Variants in CCDC158 observed in about 807,000 individuals in gnomAD.
The protein encoded by CCDC158 is coiled-coil domain-containing protein 158.
A neutral mutation model predicts 138.6 loss-of-function variants in CCDC158; 116 were observed. The observed-to-expected ratio is 0.84, with a 90% confidence interval of 0.72 to 0.98. The LOEUF (loss-of-function observed/expected upper bound fraction) is 0.98, where lower values mean the gene tolerates loss of function less well. Among genes scored for constraint, CCDC158 ranks in the 50% least tolerant of loss-of-function variants. CCDC158 has a pLI of 0.00. For missense variants in CCDC158, 1,265 were observed against 1,306.1 expected (o/e 0.97, Z 0.48); for synonymous variants, 436 against 442.4 (o/e 0.99, Z 0.18).
chr4:76,313,277 C>CA, intron 24 of CCDC158, 31 bp from the exon 25 acceptor site: 1 of 1,375,372 alleles, frequency 7.3e-7, no homozygotes, highest in Non-Finnish European at 1.0e-6. Flanking sequence ...GTTAGAATAA[C>CA]AAAATCTACT....
intron 24 of CCDC158, among the ~76,000 whole-genome samples, chr4:76,316,093 A>G (rs1719360904): frequency 6.6e-6 from 1 of 152,222 alleles, no homozygotes; most frequent in South Asian, 2.1e-4. Flanking sequence ...GCTTGCCAGC[A>G]ATGCAGTTAA....
At chr4:76,321,658 T>C (rs1180972920) in intron 24 of CCDC158, among the ~76,000 whole-genome samples, 2 of 146,700 alleles carry the variant, frequency 1.4e-5, no homozygotes, top group Non-Finnish European at 3.0e-5. Context: ...CCCATATATA[T>C]ACCATGTATA....
At chr4:76,358,762 C>T (rs2110202074) in intron 13 of CCDC158, among the ~76,000 whole-genome samples, 1 of 152,296 alleles carries the variant, frequency 6.6e-6, no homozygotes, top group African/African-American at 2.4e-5. Flanking sequence ...CTGTGCCTCA[C>T]ACACTGGTTA....
chr4:76,371,603 C>T lies in CCDC158; in HGVS notation c.1030-67G>A, dbSNP rs1175003270. 1.9e-6 allele frequency: 3 copies of T among 1,549,250 alleles called. No individual in the cohort carries two copies. In the African/African-American group the frequency reaches 4.1e-5, roughly 21 times the overall value. On this transcript the variant is annotated intron_variant, in intron 9 of 24. Transcript: ENST00000682701. ...GTGGGTAATATAAAATAAATATAGA[C>T]TTTGGAAAACAAATGGTATTATTTT...
chr4:76,357,373 C>G lies in CCDC158; in HGVS notation c.2173+1G>C, dbSNP rs554427211. 6.6e-7 allele frequency: 1 copy of G among 1,526,306 alleles called. No individual in the cohort carries two copies. The highest frequency in any genetic ancestry group is 8.8e-7 in the Non-Finnish European group (1 of 1,141,510). 94.5% of individuals were successfully genotyped at this position (1,526,306 alleles called of 1,614,324 possible). On this transcript the variant is annotated splice_donor_variant, in intron 14 of 24. Coordinates refer to ENST00000682701, the MANE Select transcript of CCDC158 (RefSeq NM_001394954.1). LOFTEE classifies it high-confidence loss of function. ...AAAATTTTAAATCTAACAGAGCATA[C>G]CATGACCATCAGATCCTTCCATTGA...
intron 18 of CCDC158, chr4:76,344,781 A>G: frequency 6.2e-7 from 1 of 1,609,622 alleles, no homozygotes; most frequent in South Asian, 1.1e-5. Flanking sequence ...ACCTGCTGCT[A>G]TGAAGCCCGA....
At chr4:76,336,752 CTCAAGCTAAA>C (rs973162706) in intron 18 of CCDC158, among the ~76,000 whole-genome samples, 11 of 152,272 alleles carry the variant, frequency 7.2e-5, no homozygotes, top group African/African-American at 2.6e-4. Context: ...TGACACACAC[CTCAAGCTAAA>C]TGTTCTCAGG....
intron 24 of CCDC158, among the ~76,000 whole-genome samples, chr4:76,321,333 CAACAACTATGG>C (rs1429397737): frequency 1.3e-5 from 2 of 151,588 alleles, no homozygotes; most frequent in Non-Finnish European, 3.0e-5. Context: ...TAAACTAGTA[CAACAACTATGG>C]AAAGCAGTAC....
chr4:76,420,988 G>C lies in CCDC158; in HGVS notation c.-140C>G, dbSNP rs972865504. On this transcript the variant is annotated 5_prime_UTR_variant, in exon 1 of 25. Coordinates refer to ENST00000682701, the MANE Select transcript of CCDC158 (RefSeq NM_001394954.1). ...ACCTGCAACCAACACCTAATCCTAA[G>C]ACACCGGCCACATCTCCGCGGGGCG... 6.6e-6 allele frequency among the ~76,000 whole-genome samples: 1 copy of C among 152,056 alleles called. No homozygotes were observed. The highest frequency in any genetic ancestry group is 1.5e-5 in the Non-Finnish European group (1 of 68,000).
At chr4:76,326,502 A>G (rs547312899) in intron 22 of CCDC158, among the ~76,000 whole-genome samples, 6 of 152,212 alleles carry the variant, frequency 3.9e-5, no homozygotes, top group Non-Finnish European at 7.3e-5. Context: ...TCAGGCATAG[A>G]CTTCCATAGA....
chr4:76,418,511 A>T (rs943496909), intron 1 of CCDC158, among the ~76,000 whole-genome samples: 2 of 152,148 alleles, frequency 1.3e-5, no homozygotes, highest in Non-Finnish European at 2.9e-5. Context: ...CATTCCCAAG[A>T]CTGGGTAATT....
At chr4:76,364,190 A>G (rs984216582) in intron 12 of CCDC158, among the ~76,000 whole-genome samples, 2 of 152,302 alleles carry the variant, frequency 1.3e-5, no homozygotes, top group Admixed American at 6.5e-5. Context: ...TTGAACTCAC[A>G]AAGTCACCAT....
intron 3 of CCDC158, among the ~76,000 whole-genome samples, chr4:76,397,141 T>C (rs1025221368): frequency 6.6e-6 from 1 of 152,058 alleles, no homozygotes; most frequent in African/African-American, 2.4e-5. Context: ...TTAATTTCCC[T>C]CCTCTTTGTA....
At chr4:76,389,493 A>C (rs529103078) in intron 4 of CCDC158, among the ~76,000 whole-genome samples, 1 of 152,270 alleles carries the variant, frequency 6.6e-6, no homozygotes, top group South Asian at 2.1e-4. Context: ...GGGCAAATCT[A>C]AGTTACTGGC....
chr4:76,333,916 T>C, intron 19 of CCDC158, 94 bp downstream of exon 19: 6 of 901,728 alleles, frequency 6.7e-6, no homozygotes, highest in Non-Finnish European at 9.6e-6. Context: ...TAAAGTCATT[T>C]AAACCTCACC....
intron 11 of CCDC158, among the ~76,000 whole-genome samples, chr4:76,367,982 C>T (rs555866301): frequency 1.7e-4 from 26 of 151,516 alleles, no homozygotes; most frequent in African/African-American, 4.6e-4. Flanking sequence ...TCTCCTGCTT[C>T]GGCCTCCCAA....
intron 18 of CCDC158, among the ~76,000 whole-genome samples, chr4:76,339,717 G>A (rs1034523883): frequency 1.3e-5 from 2 of 152,214 alleles, no homozygotes; most frequent in Non-Finnish European, 2.9e-5. Flanking sequence ...TGGTTTCACT[G>A]CTCTGGTCAA....
intron 15 of CCDC158, among the ~76,000 whole-genome samples, chr4:76,354,022 C>A (rs1188286794): frequency 6.6e-6 from 1 of 151,886 alleles, no homozygotes; most frequent in Non-Finnish European, 1.5e-5. Context: ...AAAAGTTTTC[C>A]TTTTCTGAGT....
chr4:76,378,583 C>A (rs968188025), intron 9 of CCDC158, among the ~76,000 whole-genome samples: 1 of 152,096 alleles, frequency 6.6e-6, no homozygotes, highest in Admixed American at 6.6e-5. Context: ...CCAGGCAAGC[C>A]GCCTTGGGTG....
Sources: allele counts gnomAD v4.1 joint callset (sites outside exome capture counted in the v4.1 genomes callset), GRCh38; gene constraint gnomAD v4.1.1; transcripts MANE v1.5; gene names NCBI Gene and HGNC (gene_info 2026-07-23, HGNC 2026-07-21).